Variants in ASPA observed in about 807,000 individuals in gnomAD.
The protein encoded by ASPA is ACY-2.
Under a neutral mutation model 29.6 loss-of-function variants are expected in ASPA, and 25 were observed. That is an observed-to-expected ratio of 0.85 (90% CI 0.62 to 1.18). The LOEUF (loss-of-function observed/expected upper bound fraction) is 1.18. Ranked by LOEUF, ASPA falls within the 50% of genes most tolerant of loss-of-function variation. The pLI is 0.00. For missense variants in ASPA, 333 were observed against 385.7 expected (o/e 0.86, Z 1.14); for synonymous variants, 131 against 130.3 (o/e 1.01, Z -0.04).
chr17:3,482,255 G>C (rs1261641273), intron 2 of ASPA, among the ~76,000 whole-genome samples: 1 of 152,122 alleles, frequency 6.6e-6, no homozygotes, highest in Non-Finnish European at 1.5e-5. Flanking sequence ...CTTTAACGTA[G>C]ACTAAAGCCC....
upstream of ASPA, chr17:3,475,640 A>G (rs924583824): frequency 3.7e-5 from 6 of 163,270 alleles, no homozygotes; most frequent in African/African-American, 1.2e-4. Context: ...GTGAGATTCA[A>G]ATGCCCTCAG....
At position 3,500,647 on chromosome 17, in the gene ASPA, T is replaced by G. The variant is rs1043678253; in HGVS notation, c.*1559T>G. The G allele has an allele frequency of 2.0e-5, 3 of 152,186 alleles. No homozygotes were observed. Among genetic ancestry groups the G allele is most frequent in the African/African-American group, 7.2e-5 (3 of 41,384 alleles). The allele number at this position is 152,186 out of a possible 1,614,324, so 9.4% of individuals were successfully genotyped here. A position where few individuals can be genotyped will look rare whatever the true frequency, so the allele number is the denominator to read the frequency against. The stretch of plus-strand genomic sequence containing the variant: ...CCTCCCCAGTAGCTGAGATTACAGG[T>G]GCCTGCCACCACGCCCGGCTAATTT... On this transcript the variant is annotated 3_prime_UTR_variant, in exon 6 of 6. Coordinates refer to ENST00000263080, the MANE Select transcript of ASPA (RefSeq NM_000049.4).
Position 3,476,156 on chromosome 17 carries a change from T to C in ASPA, c.-4T>C, listed in dbSNP as rs2073518571. On this transcript the variant is annotated 5_prime_UTR_variant, in exon 1 of 6. Transcript: ENST00000263080. Reference sequence around the variant, plus strand: ...CAGAAATCAGATAAAAACTACTTGGTGAAATGACTTCTTGTCACATTGCTG... The same window carrying C: ...CAGAAATCAGATAAAAACTACTTGGCGAAATGACTTCTTGTCACATTGCTG... 1 of 1,612,300 alleles carries C rather than the reference T, an allele frequency of 6.2e-7. No individual in the cohort carries two copies. The highest frequency in any genetic ancestry group is 1.1e-5 in the South Asian group (1 of 91,046).
At chr17:3,487,454 T>A (rs1280823110) in intron 3 of ASPA, among the ~76,000 whole-genome samples, 1 of 152,214 alleles carries the variant, frequency 6.6e-6, no homozygotes, top group Non-Finnish European at 1.5e-5. Flanking sequence ...GCCAAACATA[T>A]CAGCAATGTT....
intron 5 of ASPA, among the ~76,000 whole-genome samples, chr17:3,496,468 C>G (rs1401866151): frequency 6.6e-6 from 1 of 152,130 alleles, no homozygotes; most frequent in East Asian, 1.9e-4. Context: ...GATGAGAAGC[C>G]AGCCATGTGG....
chr17:3,498,113 T>C (rs1042800383), intron 5 of ASPA, among the ~76,000 whole-genome samples: 2 of 152,186 alleles, frequency 1.3e-5, no homozygotes, highest in African/African-American at 4.8e-5. Flanking sequence ...CCCGTCAGAA[T>C]AGAATCTCCT....
intron 5 of ASPA, among the ~76,000 whole-genome samples, chr17:3,497,009 T>C (rs1191592111): frequency 6.6e-6 from 1 of 152,170 alleles, no homozygotes; most frequent in East Asian, 1.9e-4. Flanking sequence ...AAGGTTGCAG[T>C]GAGCTGAGAT....
intron 4 of ASPA, among the ~76,000 whole-genome samples, chr17:3,493,628 ACTC>A (rs2073862565): frequency 6.6e-6 from 1 of 151,652 alleles, no homozygotes; most frequent in Non-Finnish European, 1.5e-5. Flanking sequence ...AGTTGCTGGA[ACTC>A]CTCCTGAAAA....
intron 4 of ASPA, among the ~76,000 whole-genome samples, chr17:3,491,506 G>T (rs2073823292): frequency 6.6e-6 from 1 of 152,122 alleles, no homozygotes; most frequent in South Asian, 2.1e-4. Context: ...TTGCACTTTG[G>T]GAGGCTGAGG....
chr17:3,480,574 T>A (rs928344529), intron 1 of ASPA, among the ~76,000 whole-genome samples: 1 of 152,156 alleles, frequency 6.6e-6, no homozygotes, highest in Non-Finnish European at 1.5e-5. Context: ...TGATCTTAGG[T>A]TTTACAATAG....
intron 3 of ASPA, among the ~76,000 whole-genome samples, chr17:3,487,878 C>T (rs1263891187): frequency 2.0e-5 from 3 of 152,134 alleles, no homozygotes; most frequent in Non-Finnish European, 2.9e-5. Flanking sequence ...TATAGTATTC[C>T]TACAGACATA....
chr17:3,474,756 G>A (rs1291077179), upstream of ASPA, among the ~76,000 whole-genome samples: 1 of 152,172 alleles, frequency 6.6e-6, no homozygotes, highest in Middle Eastern at 3.2e-3. Flanking sequence ...ATGCATGTTT[G>A]TTTCCTGAGC....
At position 3,476,548 on chromosome 17, in the gene ASPA, T is replaced by C. The variant is rs9889604; in HGVS notation, c.236+153T>C. 0.23 allele frequency among the ~76,000 whole-genome samples: 34,381 copies of C among 152,218 alleles called. 4,244 individuals carry two copies. Among genetic ancestry groups the C allele is most frequent in the East Asian group, 0.46 (2,380 of 5,172 alleles). On this transcript the variant is annotated intron_variant, in intron 1 of 5. Coordinates refer to ENST00000263080, the MANE Select transcript of ASPA (RefSeq NM_000049.4). ...AGATCACTTTCACTTTTAATTATAC[T>C]GCATTGTGAATTGCACAATTATCTA...
chr17:3,489,252 C>T lies in ASPA; in HGVS notation c.544C>T (p.Gln182Ter), dbSNP rs1485077012. 1 of 1,612,208 alleles carries T rather than the reference C, an allele frequency of 6.2e-7. No homozygotes were observed. Among genetic ancestry groups the T allele is most frequent in the Non-Finnish European group, 8.5e-7 (1 of 1,179,446 alleles). The change falls in exon 4 of 6, where the codon CAG (glutamine) becomes TAG (stop). Residue 182 changes from glutamine to a stop codon, truncating the protein, a stop_gained. Coordinates refer to ENST00000263080, the MANE Select transcript of ASPA (RefSeq NM_000049.4). LOFTEE classifies it high-confidence loss of function. ...KYPVGIEVGP[Q>*]PQGVLRADIL... ...GTACCTAGGTATAGAAGTTGGTCCTCAGCCTCAAGGGGTTCTGAGAGCTGA... is the reference window on the plus strand; with the variant it reads ...GTACCTAGGTATAGAAGTTGGTCCTTAGCCTCAAGGGGTTCTGAGAGCTGA...
intron 3 of ASPA, among the ~76,000 whole-genome samples, chr17:3,484,723 T>G (rs1291708105): frequency 6.6e-6 from 1 of 152,206 alleles, no homozygotes; most frequent in East Asian, 1.9e-4. Flanking sequence ...TAAAAGTTTC[T>G]AAACACTTAC....
chr17:3,486,580 C>T (rs1420463400), intron 3 of ASPA, among the ~76,000 whole-genome samples: 2 of 152,162 alleles, frequency 1.3e-5, no homozygotes, highest in Non-Finnish European at 2.9e-5. Flanking sequence ...CTCAAACACC[C>T]TCTTTCTTCT....
At position 3,490,911 on chromosome 17, in the gene ASPA, A is replaced by T. The variant is rs79357842; in HGVS notation, c.634+1569A>T. ...CCAGAGCTCTTCTGTGTAACATTTC[A>T]TTTAAGCAAAGGATTCGGCAAATCA... On this transcript the variant is annotated intron_variant, in intron 4 of 5. Transcript: ENST00000263080. The surrounding 1 kb of genome is among the most constrained non-coding windows in gnomAD (Gnocchi z 4.6). Among the ~76,000 whole-genome samples, 18 of 152,276 alleles carry T rather than the reference A, an allele frequency of 1.2e-4. No individual in the cohort carries two copies. The highest frequency in any genetic ancestry group is 2.1e-4 in the Non-Finnish European group (14 of 68,016).
chr17:3,495,838 A>T (rs921467714), intron 5 of ASPA, among the ~76,000 whole-genome samples: 1 of 152,220 alleles, frequency 6.6e-6, no homozygotes, highest in Non-Finnish European at 1.5e-5. Context: ...AAGTGGTGGG[A>T]TTACAGGCAT....
At chr17:3,489,495 A>G (rs1207995685) in intron 4 of ASPA, among the ~76,000 whole-genome samples, 153 bp downstream of exon 4, 2 of 152,230 alleles carry the variant, frequency 1.3e-5, no homozygotes, top group African/African-American at 2.4e-5. Flanking sequence ...GGATAGACAC[A>G]TTCAAGAAAA....
Sources: allele counts gnomAD v4.1 joint callset (sites outside exome capture counted in the v4.1 genomes callset), GRCh38; gene constraint gnomAD v4.1.1; non-coding constraint Gnocchi (gnomAD v3.1); transcripts MANE v1.5; gene names NCBI Gene and HGNC (gene_info 2026-07-23, HGNC 2026-07-21).